The following DNAJC1 variants were observed in gnomAD, a reference collection of about 807,000 sequenced individuals.
The protein encoded by DNAJC1 is DnaJ heat shock protein family (Hsp40) member C1.
In DNAJC1, 58 loss-of-function variants were observed where a neutral mutation model predicts 76.6. The observed-to-expected ratio is 0.76, with a 90% CI of 0.61 to 0.94. The LOEUF is 0.94. Among genes scored for constraint, DNAJC1 ranks in the 40% least tolerant of loss-of-function variants. The pLI is 0.00. For synonymous variants in DNAJC1, 258 were observed against 267.9 expected (o/e 0.96, Z 0.36); for missense variants, 689 against 677.3 (o/e 1.02, Z -0.19).
chr10:21,811,593 A>C (rs1233643105), intron 8 of DNAJC1, among the ~76,000 whole-genome samples: 2 of 152,214 alleles, frequency 1.3e-5, no homozygotes, highest in Admixed American at 1.3e-4. Context: ...CTTTTAAAGA[A>C]ACTATTTTTA....
intron 7 of DNAJC1, among the ~76,000 whole-genome samples, chr10:21,890,776 A>C (rs1177541402): frequency 6.6e-6 from 1 of 152,204 alleles, no homozygotes; most frequent in African/African-American, 2.4e-5. Flanking sequence ...ATAAGGTCCA[A>C]AGTTTCATAA....
chr10:21,877,468 T>G (rs911122730), intron 8 of DNAJC1, among the ~76,000 whole-genome samples: 1 of 152,054 alleles, frequency 6.6e-6, no homozygotes, highest in African/African-American at 2.4e-5. Flanking sequence ...CAGAAAGAAC[T>G]CTTTATAATC....
chr10:21,818,017 G>C (rs1835102721), intron 8 of DNAJC1, among the ~76,000 whole-genome samples: 1 of 152,116 alleles, frequency 6.6e-6, no homozygotes, highest in Non-Finnish European at 1.5e-5. Context: ...TGGGCACCTT[G>C]AAAAAAGAAC....
At chr10:21,766,424 T>C in intron 9 of DNAJC1, 115 bp from the exon 10 acceptor site, 1 of 772,738 alleles carries the variant, frequency 1.3e-6, no homozygotes, top group Non-Finnish European at 2.3e-6. Flanking sequence ...ATCTTAGGCC[T>C]GAAAGACCCT....
chr10:21,832,572 TTCC>T (rs1392189677), intron 8 of DNAJC1, among the ~76,000 whole-genome samples: 1 of 152,200 alleles, frequency 6.6e-6, no homozygotes, highest in African/African-American at 2.4e-5. Context: ...TTTTTACTTC[TTCC>T]TCCTCCTTAT....
chr10:21,966,966 T>C (rs1837901306), intron 1 of DNAJC1, among the ~76,000 whole-genome samples: 1 of 151,658 alleles, frequency 6.6e-6, no homozygotes, highest in Non-Finnish European at 1.5e-5. Flanking sequence ...GGATTATAGG[T>C]TGTGAGCCAC....
chr10:21,978,835 T>C (rs970454733), intron 1 of DNAJC1, among the ~76,000 whole-genome samples: 1 of 152,102 alleles, frequency 6.6e-6, no homozygotes, highest in Non-Finnish European at 1.5e-5. Flanking sequence ...GTAAGTGATA[T>C]GTTTATACAA....
At chr10:21,803,150 G>A (rs939153844) in intron 9 of DNAJC1, among the ~76,000 whole-genome samples, 2 of 151,784 alleles carry the variant, frequency 1.3e-5, no homozygotes, top group Non-Finnish European at 2.9e-5. Context: ...ACTGTAATCC[G>A]ACAACCCAAA....
chr10:21,763,484 A>AG (rs1198361720), intron 10 of DNAJC1, among the ~76,000 whole-genome samples: 3 of 151,558 alleles, frequency 2.0e-5, no homozygotes, highest in Non-Finnish European at 4.4e-5. Flanking sequence ...CCTCTGTGGA[A>AG]GGGGGCCAGG....
At chr10:21,984,312 T>G (rs530702312) in intron 1 of DNAJC1, among the ~76,000 whole-genome samples, 1 of 152,170 alleles carries the variant, frequency 6.6e-6, no homozygotes, top group Non-Finnish European at 1.5e-5. Flanking sequence ...ACAAGAAGAA[T>G]AGAAGTAAAG....
intron 1 of DNAJC1, among the ~76,000 whole-genome samples, chr10:21,951,182 T>C (rs1043923546): frequency 2.6e-5 from 4 of 152,088 alleles, no homozygotes; most frequent in African/African-American, 7.2e-5. Flanking sequence ...TAGCAGGGCG[T>C]TGTGGTACGC....
intron 1 of DNAJC1, among the ~76,000 whole-genome samples, chr10:21,994,544 T>C (rs962423990): frequency 2.0e-5 from 3 of 152,060 alleles, no homozygotes; most frequent in Non-Finnish European, 2.9e-5. Context: ...ATCCCAGCAC[T>C]TTGGGAGGCC....
intron 10 of DNAJC1, among the ~76,000 whole-genome samples, chr10:21,760,664 CTTTA>C (rs1405191760): frequency 1.3e-5 from 2 of 152,200 alleles, no homozygotes; most frequent in African/African-American, 4.8e-5. Context: ...AAGTTTTTAA[CTTTA>C]TTTAATTCTA....
chr10:21,992,298 G>A (rs138900854), intron 1 of DNAJC1, among the ~76,000 whole-genome samples: 23 of 152,210 alleles, frequency 1.5e-4, no homozygotes, highest in African/African-American at 3.9e-4. Flanking sequence ...GCGACAGAAC[G>A]AGACTCTGTC....
chr10:21,876,509 A>C (rs1258348789), intron 8 of DNAJC1, among the ~76,000 whole-genome samples: 3 of 152,246 alleles, frequency 2.0e-5, no homozygotes, highest in Non-Finnish European at 4.4e-5. Context: ...ATCCATATAT[A>C]ATTGTTATCC....
chr10:21,880,304 T>C (rs1190787376), intron 8 of DNAJC1, among the ~76,000 whole-genome samples: 2 of 152,244 alleles, frequency 1.3e-5, no homozygotes, highest in Non-Finnish European at 2.9e-5. Flanking sequence ...CTCCTGTTAA[T>C]GTCAATATTT....
chr10:21,970,052 G>C (rs1396746342), intron 1 of DNAJC1, among the ~76,000 whole-genome samples: 1 of 152,046 alleles, frequency 6.6e-6, no homozygotes, highest in Non-Finnish European at 1.5e-5. Flanking sequence ...AAGTATTTAA[G>C]TTACTTTCTT....
chr10:21,885,136 G>A (rs537840919), intron 7 of DNAJC1, among the ~76,000 whole-genome samples: 49 of 152,098 alleles, frequency 3.2e-4, no homozygotes, highest in African/African-American at 1.1e-3. Flanking sequence ...CACAAGTAAC[G>A]ATGCCCTTAG....
At chr10:21,845,174 C>T (rs891867106) in intron 8 of DNAJC1, among the ~76,000 whole-genome samples, 1 of 151,894 alleles carries the variant, frequency 6.6e-6, no homozygotes, top group Non-Finnish European at 1.5e-5. Flanking sequence ...TTCTGTTTGT[C>T]CTTTCAAGTA....
Sources: gnomAD v4.1 joint callset for allele counts (sites outside exome capture counted in the v4.1 genomes callset) on GRCh38, gnomAD v4.1.1 for gene constraint, MANE v1.5 for transcripts, NCBI Gene and HGNC (gene_info 2026-07-23, HGNC 2026-07-21) for gene names.